The following COTL1 variants were observed in gnomAD, a reference collection of about 807,000 sequenced individuals.
The protein encoded by COTL1 is coactosin like F-actin binding protein 1, also known as coactosin-like protein.
A neutral mutation model predicts 16.5 loss-of-function variants in COTL1; 15 were observed. The ratio of observed to expected loss-of-function variants is 0.91; its 90% CI spans 0.61 to 1.40. COTL1 has a LOEUF of 1.40. Ranked by LOEUF, COTL1 falls within the 40% of genes most tolerant of loss-of-function variation. The pLI, the probability that COTL1 is intolerant of heterozygous loss-of-function variation, is 0.00. For missense variants in COTL1, 220 were observed against 201.5 expected, an observed-to-expected ratio of 1.09 and a Z score of -0.56; for synonymous variants, 112 against 85.3, an observed-to-expected ratio of 1.31 and a Z score of -1.73.
chr16:84,573,793 ACT>A (rs1491053916), intron 3 of COTL1, among the ~76,000 whole-genome samples: 1 of 145,658 alleles, frequency 6.9e-6, no homozygotes, highest in Non-Finnish European at 1.5e-5. Flanking sequence ...ACACACACAC[ACT>A]CAACGAGTAG....
intron 2 of COTL1, among the ~76,000 whole-genome samples, chr16:84,612,521 G>A (rs561933431): frequency 8.5e-5 from 13 of 152,278 alleles, no homozygotes; most frequent in African/African-American, 2.4e-4. Context: ...GGTGGCTCAC[G>A]CCTGTAATCC....
chr16:84,567,197 C>A (rs1482375947), intron 3 of COTL1: 3 of 434,246 alleles, frequency 6.9e-6, no homozygotes, highest in South Asian at 2.6e-5. Flanking sequence ...TCTGATGCTG[C>A]GTCTTCCCAT....
At chr16:84,599,350 T>C (rs1177462580) in intron 2 of COTL1, among the ~76,000 whole-genome samples, 1 of 152,176 alleles carries the variant, frequency 6.6e-6, no homozygotes, top group African/African-American at 2.4e-5. Context: ...TTGCAAATGT[T>C]TTGAACAACC....
chr16:84,612,699 C>G (rs1386161520), intron 2 of COTL1, among the ~76,000 whole-genome samples: 1 of 152,144 alleles, frequency 6.6e-6, no homozygotes, highest in Non-Finnish European at 1.5e-5. Context: ...AGGAGAATCT[C>G]TTGACCCCGG....
intron 2 of COTL1, among the ~76,000 whole-genome samples, chr16:84,597,326 A>G (rs981870382): frequency 6.6e-6 from 1 of 152,188 alleles, no homozygotes; most frequent in African/African-American, 2.4e-5. Flanking sequence ...TGAGGGCAGC[A>G]CAGATCGCAG....
intron 2 of COTL1, among the ~76,000 whole-genome samples, chr16:84,604,793 C>A (rs1857717259): frequency 1.3e-5 from 2 of 152,186 alleles, no homozygotes; most frequent in Admixed American, 1.3e-4. Flanking sequence ...TCTTTTCACC[C>A]CTCCCCCAGC....
chr16:84,607,995 G>A (rs1172134865), intron 2 of COTL1, among the ~76,000 whole-genome samples: 3 of 152,220 alleles, frequency 2.0e-5, no homozygotes, highest in Non-Finnish European at 4.4e-5. Flanking sequence ...TAGCCACGCA[G>A]AAGCAGAAGC....
intron 2 of COTL1, among the ~76,000 whole-genome samples, chr16:84,608,878 C>A (rs1480313274): frequency 6.6e-6 from 1 of 152,182 alleles, no homozygotes; most frequent in African/African-American, 2.4e-5. Context: ...GCACTCCAGA[C>A]TGGGTGACAG....
intron 2 of COTL1, among the ~76,000 whole-genome samples, chr16:84,615,580 G>T (rs61409560): frequency 6.6e-6 from 1 of 152,174 alleles, no homozygotes; most frequent in Non-Finnish European, 1.5e-5. Flanking sequence ...AGGGAAGCTG[G>T]TCTGTAAAGC....
chr16:84,601,521 A>G (rs1905105371), intron 2 of COTL1, among the ~76,000 whole-genome samples: 1 of 151,984 alleles, frequency 6.6e-6, no homozygotes. Flanking sequence ...GCAGGGGCAC[A>G]ATCTCGGCTC....
chr16:84,571,210 C>T (rs998640656), intron 3 of COTL1, among the ~76,000 whole-genome samples: 4 of 152,172 alleles, frequency 2.6e-5, no homozygotes, highest in Admixed American at 1.3e-4. Context: ...CGTCCTCACA[C>T]GAGAGCCCCC....
In COTL1 at chr16:84,574,218, G is replaced by A. The variant is rs4783022; in HGVS notation, c.319-7263C>T. Among the ~76,000 whole-genome samples, 1,136 of 152,246 alleles carry A rather than the reference G, an allele frequency of 7.5e-3. 7 individuals carry two copies. Among genetic ancestry groups the A allele is most frequent in the East Asian group, 0.017 (89 of 5,174 alleles). On this transcript the variant is annotated intron_variant, in intron 3 of 3. Transcript: ENST00000262428. Reference sequence around the variant, plus strand: ...GAGAGGGGACGCAGTTCATCCCAGGGGACACAGCAACTTCCCGGCAGGGCC... The same window carrying A: ...GAGAGGGGACGCAGTTCATCCCAGGAGACACAGCAACTTCCCGGCAGGGCC...
chr16:84,595,906 G>A (rs1375429915), intron 2 of COTL1: 1 of 150,922 alleles, frequency 6.6e-6, no homozygotes, highest in African/African-American at 2.5e-5. Context: ...ACATGTATGT[G>A]TATGTGTGTG....
At chr16:84,616,743 G>C (rs185203335) in intron 2 of COTL1, among the ~76,000 whole-genome samples, 117 of 152,208 alleles carry the variant, frequency 7.7e-4, no homozygotes, top group African/African-American at 2.4e-3. Context: ...TCTTTTCATG[G>C]TTCACAAGCC....
chr16:84,584,186 C>G (rs567589148), intron 3 of COTL1, among the ~76,000 whole-genome samples: 30 of 152,360 alleles, frequency 2.0e-4, no homozygotes, highest in African/African-American at 6.5e-4. Context: ...GCCAGCCGTG[C>G]GTGCTGTGCG....
At chr16:84,585,181 G>C (rs997697602) in intron 3 of COTL1, among the ~76,000 whole-genome samples, 11 of 151,410 alleles carry the variant, frequency 7.3e-5, no homozygotes, top group Non-Finnish European at 1.3e-4. Context: ...GGTGGTTAGT[G>C]ACATACAGAT....
chr16:84,586,969 C>T (rs1218318202), intron 3 of COTL1, among the ~76,000 whole-genome samples: 1 of 152,214 alleles, frequency 6.6e-6, no homozygotes, highest in Non-Finnish European at 1.5e-5. Flanking sequence ...TGTACACATC[C>T]TGGCGAGCCC....
intron 3 of COTL1, among the ~76,000 whole-genome samples, chr16:84,575,024 A>T (rs1457734740): frequency 6.6e-6 from 1 of 152,042 alleles, no homozygotes; most frequent in Non-Finnish European, 1.5e-5. Context: ...GTTTTAAATC[A>T]TTCTTTTCTC....
chr16:84,606,605 C>T (rs1012888156), intron 2 of COTL1, among the ~76,000 whole-genome samples: 1 of 152,234 alleles, frequency 6.6e-6, no homozygotes, highest in Non-Finnish European at 1.5e-5. Flanking sequence ...TCTCCAAGGC[C>T]ATGTCTGGTT....
Sources: allele counts gnomAD v4.1 joint callset (sites outside exome capture counted in the v4.1 genomes callset), GRCh38; gene constraint gnomAD v4.1.1; transcripts MANE v1.5; gene names NCBI Gene and HGNC (gene_info 2026-07-23, HGNC 2026-07-21).